The following TBC1D5 variants were observed in gnomAD, a reference collection of about 807,000 sequenced individuals.
The protein encoded by TBC1D5 is TBC1 domain family, member 5.
TBC1D5 carries 75 observed loss-of-function variants against 100.3 expected under a neutral mutation model. The ratio of observed to expected loss-of-function variants is 0.75; its 90% CI spans 0.62 to 0.91. TBC1D5 has a LOEUF of 0.91. TBC1D5 is among the 40% of genes least tolerant of loss of function. The pLI is 0.00. For missense variants in TBC1D5, 910 were observed against 942.4 expected, an observed-to-expected ratio of 0.97 and a Z score of 0.45; for synonymous variants, 323 against 325.6, an observed-to-expected ratio of 0.99 and a Z score of 0.09.
chr3:17,315,435 C>T (rs2084576179), intron 13 of TBC1D5, among the ~76,000 whole-genome samples: 1 of 152,212 alleles, frequency 6.6e-6, no homozygotes, highest in African/African-American at 2.4e-5. Flanking sequence ...ACTGGGAGCG[C>T]AGCTGAATGG....
intron 17 of TBC1D5, among the ~76,000 whole-genome samples, chr3:17,221,198 G>A (rs900190712): frequency 8.8e-5 from 10 of 113,920 alleles, no homozygotes; most frequent in Admixed American, 1.6e-4. Context: ...GACTTTGCAG[G>A]TGTGATAAGG....
chr3:17,684,350 T>C (rs1471178694), intron 1 of TBC1D5, among the ~76,000 whole-genome samples: 1 of 152,270 alleles, frequency 6.6e-6, no homozygotes, highest in African/African-American at 2.4e-5. Context: ...TATGTATGCA[T>C]AATTTACAAT....
intron 13 of TBC1D5, among the ~76,000 whole-genome samples, chr3:17,349,681 A>G (rs1294401228): frequency 6.6e-6 from 1 of 152,174 alleles, no homozygotes; most frequent in Non-Finnish European, 1.5e-5. Context: ...GAGGTTCCCA[A>G]ATGAAAATTA....
At chr3:17,637,846 C>A (rs192385136) in intron 1 of TBC1D5, among the ~76,000 whole-genome samples, 75 of 152,260 alleles carry the variant, frequency 4.9e-4, no homozygotes, top group Non-Finnish European at 3.8e-4. Flanking sequence ...TGCACTTAAT[C>A]TTTGACCCAA....
intron 2 of TBC1D5, among the ~76,000 whole-genome samples, chr3:17,623,028 G>T (rs1010791136): frequency 6.6e-6 from 1 of 152,144 alleles, no homozygotes; most frequent in Non-Finnish European, 1.5e-5. Flanking sequence ...TAAAATTCTG[G>T]TGTGAGTTTC....
chr3:17,638,711 T>A (rs1367142088), intron 1 of TBC1D5, among the ~76,000 whole-genome samples: 1 of 152,218 alleles, frequency 6.6e-6, no homozygotes, highest in Non-Finnish European at 1.5e-5. Context: ...TTTTTCATAT[T>A]ATGGCTGGAT....
rs560450633 is a variant in TBC1D5, at chr3:17,537,937, T to C, written c.-35-29332A>G. Among the ~76,000 whole-genome samples the C allele has an allele frequency of 6.6e-5, 10 of 152,278 alleles. No homozygotes were observed. In the South Asian group the frequency reaches 2.1e-3, roughly 32 times the overall value. ...CCTCAGGAGGTCCTGACGACATGTG[T>C]CCAAGGTGGTCAGGCTACAGCTCAG... On this transcript the variant is annotated intron_variant, in intron 2 of 21. Transcript: ENST00000253692.
intron 17 of TBC1D5, among the ~76,000 whole-genome samples, chr3:17,217,947 A>G (rs1204761615): frequency 6.6e-6 from 1 of 152,034 alleles, no homozygotes; most frequent in Non-Finnish European, 1.5e-5. Flanking sequence ...ACCTGAGGTC[A>G]TGAAGATTTA....
chr3:17,293,805 G>C (rs2150197770), intron 14 of TBC1D5, among the ~76,000 whole-genome samples: 1 of 152,296 alleles, frequency 6.6e-6, no homozygotes, highest in East Asian at 1.9e-4. Context: ...ATATAACTAA[G>C]ATAACAGTGA....
intron 4 of TBC1D5, among the ~76,000 whole-genome samples, chr3:17,421,587 A>G (rs2094208875): frequency 6.6e-6 from 1 of 152,198 alleles, no homozygotes; most frequent in South Asian, 2.1e-4. Flanking sequence ...AAATTTTAGA[A>G]AAGAGAGAGG....
At chr3:17,375,089 A>G (rs991735708) in intron 10 of TBC1D5, among the ~76,000 whole-genome samples, 5 of 152,078 alleles carry the variant, frequency 3.3e-5, no homozygotes, top group Non-Finnish European at 7.4e-5. Context: ...TCATTTTATC[A>G]GTCAACTTAT....
intron 2 of TBC1D5, among the ~76,000 whole-genome samples, chr3:17,612,476 G>A (rs962247321): frequency 6.6e-6 from 1 of 151,404 alleles, no homozygotes; most frequent in African/African-American, 2.4e-5. Flanking sequence ...AAAAAAATAC[G>A]AAAATTAGTC....
At chr3:17,608,263 G>A (rs1318615985) in intron 2 of TBC1D5, among the ~76,000 whole-genome samples, 8 of 151,456 alleles carry the variant, frequency 5.3e-5, no homozygotes, top group African/African-American at 1.7e-4. Flanking sequence ...TCTCAAAAAC[G>A]AAAACAAAAA....
chr3:17,344,651 A>G lies in TBC1D5; in HGVS notation c.995+27424T>C, dbSNP rs2089587337. Among the ~76,000 whole-genome samples, 4 of 152,342 alleles carry G rather than the reference A, an allele frequency of 2.6e-5. No homozygotes were observed. In the South Asian group the frequency reaches 8.3e-4, roughly 32 times the overall value. Reference sequence around the variant, plus strand: ...AGAACGAAGCTGGAGGCATCATGCTACCTGACTTCAAACTATACTACAAGG... The same window carrying G: ...AGAACGAAGCTGGAGGCATCATGCTGCCTGACTTCAAACTATACTACAAGG... On this transcript the variant is annotated intron_variant, in intron 13 of 21. Coordinates refer to ENST00000253692, the Ensembl canonical transcript of TBC1D5.
chr3:17,549,949 A>G (rs1291525143), intron 2 of TBC1D5, among the ~76,000 whole-genome samples: 1 of 150,184 alleles, frequency 6.7e-6, no homozygotes, highest in African/African-American at 2.4e-5. Context: ...TAATAATAAT[A>G]ATAGTAATAA....
intron 1 of TBC1D5, among the ~76,000 whole-genome samples, chr3:17,703,907 T>C (rs1381762110): frequency 9.3e-6 from 1 of 107,244 alleles, no homozygotes; most frequent in African/African-American, 2.8e-5. Flanking sequence ...ATTTGTGTTT[T>C]TTTTTTGTTT....
rs527597868 is a variant in TBC1D5, at chr3:17,462,322, A to ATTT, written c.98-33806_98-33804dup. ...CTATATTTAAATGTTTCGGACCTTA[A>ATTT]TTTTTTTTTTTTTTTTTTTGAGCCA... On this transcript the variant is annotated intron_variant, in intron 3 of 21. Coordinates refer to ENST00000253692, the Ensembl canonical transcript of TBC1D5. Among the ~76,000 whole-genome samples the ATTT allele has an allele frequency of 5.4e-3, 718 of 132,648 alleles. 8 individuals are homozygous for ATTT. Among genetic ancestry groups the ATTT allele is most frequent in the African/African-American group, 0.019 (653 of 35,128 alleles). 87.0% of individuals were successfully genotyped at this position (132,648 alleles called of 152,430 possible). A position where few individuals can be genotyped will look rare whatever the true frequency, so the allele number is the denominator to read the frequency against.
chr3:17,388,809 G>A (rs900412868), intron 8 of TBC1D5, among the ~76,000 whole-genome samples: 3 of 152,066 alleles, frequency 2.0e-5, no homozygotes, highest in Non-Finnish European at 4.4e-5. Context: ...GCTGCAGTGG[G>A]CTGTGTTTGT....
chr3:17,377,811 A>G (rs573444950), intron 9 of TBC1D5, among the ~76,000 whole-genome samples: 52 of 152,066 alleles, frequency 3.4e-4, no homozygotes, highest in African/African-American at 1.1e-3. Flanking sequence ...ATTTAGTTAT[A>G]TTTTTACAAA....
Sources: allele counts gnomAD v4.1 joint callset (sites outside exome capture counted in the v4.1 genomes callset), GRCh38; gene constraint gnomAD v4.1.1; transcripts MANE v1.5; gene names NCBI Gene and HGNC (gene_info 2026-07-23, HGNC 2026-07-21).